Variants in XNDC1N observed in about 807,000 individuals in gnomAD.
XNDC1N encodes the protein protein XNDC1N.
chr11:71,903,995 C>T, the XNDC1N span: 33 of 519,014 alleles, frequency 6.4e-5, no homozygotes, highest in Admixed American at 1.2e-4. Flanking sequence ...TCATCTTCCC[C>T]GAGAAAGCGT....
At chr11:71,911,193 C>G in the XNDC1N span, among the ~76,000 whole-genome samples, 6 of 152,220 alleles carry the variant, frequency 3.9e-5, no homozygotes, top group African/African-American at 1.4e-4. Flanking sequence ...AAAGGCCTCC[C>G]GTGCTGTGGT....
At chr11:71,908,824 CAGCTG>C in the XNDC1N span, among the ~76,000 whole-genome samples, 3 of 152,254 alleles carry the variant, frequency 2.0e-5, no homozygotes, top group South Asian at 4.1e-4. Flanking sequence ...GAACATGCAC[CAGCTG>C]ATTATCAAAA....
the XNDC1N span, among the ~76,000 whole-genome samples, chr11:71,889,754 C>A: frequency 6.6e-6 from 1 of 152,212 alleles, no homozygotes; most frequent in Non-Finnish European, 1.5e-5. Flanking sequence ...ATAAGAGCTT[C>A]TGGAGCAGCC....
At chr11:71,876,970 GC>G in the XNDC1N span, among the ~76,000 whole-genome samples, 1 of 152,214 alleles carries the variant, frequency 6.6e-6, no homozygotes, top group Admixed American at 6.5e-5. Flanking sequence ...AGGCACCGCT[GC>G]CCCAGCAACT....
chr11:71,898,364 T>C, the XNDC1N span, among the ~76,000 whole-genome samples: 3 of 152,046 alleles, frequency 2.0e-5, no homozygotes, highest in Non-Finnish European at 4.4e-5. Flanking sequence ...CCCAGCACTT[T>C]GGGAGGCTGA....
At chr11:71,881,212 A>G in the XNDC1N span, among the ~76,000 whole-genome samples, 1 of 152,128 alleles carries the variant, frequency 6.6e-6, no homozygotes, top group East Asian at 1.9e-4. Flanking sequence ...ATATATACAT[A>G]TTTGGAATTT....
the XNDC1N span, among the ~76,000 whole-genome samples, chr11:71,882,711 C>G: frequency 6.6e-6 from 1 of 152,132 alleles, no homozygotes. Flanking sequence ...CTTCTTGCCA[C>G]ATTTATTTAA....
chr11:71,892,561 A>G, the XNDC1N span, among the ~76,000 whole-genome samples: 1 of 152,144 alleles, frequency 6.6e-6, no homozygotes, highest in Admixed American at 6.5e-5. Context: ...CAGGAGCAGT[A>G]TCTCCCTAGG....
At chr11:71,890,132 ACCACAAG>A in the XNDC1N span, among the ~76,000 whole-genome samples, 1 of 152,132 alleles carries the variant, frequency 6.6e-6, no homozygotes, top group South Asian at 2.1e-4. Context: ...TTAAAACAAC[ACCACAAG>A]GGGCATCAAA....
At chr11:71,870,871 G>A in the XNDC1N span, among the ~76,000 whole-genome samples, 1 of 152,180 alleles carries the variant, frequency 6.6e-6, no homozygotes, top group Non-Finnish European at 1.5e-5. Context: ...CTACAGAAAA[G>A]AGGAAATGTA....
chr11:71,895,649 C>A, the XNDC1N span, among the ~76,000 whole-genome samples: 1 of 152,228 alleles, frequency 6.6e-6, no homozygotes, highest in Non-Finnish European at 1.5e-5. Context: ...TTACATTTTA[C>A]ATTTGTTGAA....
the XNDC1N span, among the ~76,000 whole-genome samples, chr11:71,921,468 G>A: frequency 0.026 from 3,984 of 152,152 alleles, 166 homozygotes; most frequent in African/African-American, 0.091. Context: ...CTGTAGAGAT[G>A]GGATCTTGCT....
At chr11:71,912,110 T>G in the XNDC1N span, among the ~76,000 whole-genome samples, 2 of 152,140 alleles carry the variant, frequency 1.3e-5, no homozygotes, top group African/African-American at 4.8e-5. Flanking sequence ...TTTCTACATC[T>G]CACCTTTGTC....
chr11:71,916,559 G>A, the XNDC1N span: 2 of 274,124 alleles, frequency 7.3e-6, no homozygotes, highest in East Asian at 7.1e-5. Flanking sequence ...ATTTTAAGAA[G>A]AAGTTACCTG....
At chr11:71,874,036 C>T in the XNDC1N span, among the ~76,000 whole-genome samples, 5 of 152,228 alleles carry the variant, frequency 3.3e-5, no homozygotes, top group South Asian at 2.1e-4. Context: ...CATTTTAGGC[C>T]GGGCCCAGTG....
At chr11:71,900,685 G>A in the XNDC1N span, among the ~76,000 whole-genome samples, 4 of 152,190 alleles carry the variant, frequency 2.6e-5, no homozygotes, top group African/African-American at 9.7e-5. Flanking sequence ...TAAAGAGGAT[G>A]ATGACAGACA....
the XNDC1N span, among the ~76,000 whole-genome samples, chr11:71,890,073 G>A: frequency 5.9e-5 from 9 of 152,114 alleles, no homozygotes; most frequent in African/African-American, 2.2e-4. Context: ...AGGTGGAGTG[G>A]ATGAATCGGA....
At chr11:71,877,621 G>A in the XNDC1N span, among the ~76,000 whole-genome samples, 1 of 152,232 alleles carries the variant, frequency 6.6e-6, no homozygotes, top group Admixed American at 6.5e-5. Flanking sequence ...CTGGGCAACT[G>A]TGTGAGACTC....
the XNDC1N span, among the ~76,000 whole-genome samples, chr11:71,906,590 C>T: frequency 6.6e-6 from 1 of 152,058 alleles, no homozygotes; most frequent in Non-Finnish European, 1.5e-5. Flanking sequence ...TAGTGAACTC[C>T]CGCTGGGATA....
Sources: gnomAD v4.1 joint callset for allele counts (sites outside exome capture counted in the v4.1 genomes callset) on GRCh38, gnomAD v4.1.1 for gene constraint, MANE v1.5 for transcripts, NCBI Gene and HGNC (gene_info 2026-07-23, HGNC 2026-07-21) for gene names.